ZNF544: variants seen among roughly 807,000 people sequenced by gnomAD.
ZNF544 encodes zinc finger protein AF020591.
Under a neutral mutation model 13.5 loss-of-function variants are expected in ZNF544, and 10 were observed. That is an observed-to-expected ratio of 0.74 (90% CI 0.46 to 1.25). The LOEUF (loss-of-function observed/expected upper bound fraction) is 1.25, where lower values mean the gene tolerates loss of function less well. Among genes scored for constraint, ZNF544 ranks in the 50% most tolerant of loss-of-function variants. The pLI, the probability that ZNF544 is intolerant of heterozygous loss-of-function variation, is 0.00. For synonymous variants in ZNF544, 323 were observed against 300.5 expected, an observed-to-expected ratio of 1.07 and a Z score of -0.77; for missense variants, 896 against 845.6, an observed-to-expected ratio of 1.06 and a Z score of -0.74.
At chr19:58,275,870 G>A (rs1487527083) in intron 5 of ZNF544, among the ~76,000 whole-genome samples, 1 of 151,050 alleles carries the variant, frequency 6.6e-6, no homozygotes, top group Middle Eastern at 3.4e-3. Context: ...GGAAAGCTGA[G>A]CCCAGTGACT....
chr19:58,255,656 T>A (rs1261048009), intron 6 of ZNF544, among the ~76,000 whole-genome samples: 1 of 152,224 alleles, frequency 6.6e-6, no homozygotes, highest in Non-Finnish European at 1.5e-5. Context: ...ATGCATGAGA[T>A]ACATTATCTT....
intron 3 of ZNF544, among the ~76,000 whole-genome samples, chr19:58,230,987 G>C (rs1468801107): frequency 6.6e-6 from 1 of 152,144 alleles, no homozygotes; most frequent in Non-Finnish European, 1.5e-5. Context: ...ACTGAAGTAG[G>C]GTGTGAGAGC....
At chr19:58,248,878 G>A (rs2045844430) in intron 6 of ZNF544, among the ~76,000 whole-genome samples, 1 of 152,214 alleles carries the variant, frequency 6.6e-6, no homozygotes, top group South Asian at 2.1e-4. Flanking sequence ...TAAATCCCGA[G>A]AGGTTTCCCA....
chr19:58,242,250 G>A (rs911010014), intron 3 of ZNF544: 16 of 985,212 alleles, frequency 1.6e-5, no homozygotes, highest in Non-Finnish European at 1.8e-5. Context: ...CCCCAGCACC[G>A]CAACATCTGC....
chr19:58,242,476 G>A (rs2044104769), intron 3 of ZNF544, among the ~76,000 whole-genome samples: 1 of 151,882 alleles, frequency 6.6e-6, no homozygotes, highest in Non-Finnish European at 1.5e-5. Context: ...GTCTGCAGGG[G>A]CTGCCTTTAT....
chr19:58,245,155 G>A (rs1444265454), intron 4 of ZNF544, among the ~76,000 whole-genome samples: 1 of 151,938 alleles, frequency 6.6e-6, no homozygotes, highest in African/African-American at 2.4e-5. Context: ...GGCCAGGCTG[G>A]TTTCGAACTC....
chr19:58,274,532 T>A (rs1364699195), intron 5 of ZNF544, among the ~76,000 whole-genome samples: 4 of 152,186 alleles, frequency 2.6e-5, no homozygotes, highest in Admixed American at 2.0e-4. Flanking sequence ...GAACCAACTA[T>A]GCCAACACTT....
chr19:58,236,840 C>G (rs894031422), intron 3 of ZNF544, among the ~76,000 whole-genome samples: 15 of 151,194 alleles, frequency 9.9e-5, no homozygotes, highest in Non-Finnish European at 1.9e-4. Context: ...TCCCCGGGTT[C>G]AAACAATTCT....
chr19:58,248,273 CTTTTTTTTTT>C (rs34774786), intron 6 of ZNF544, among the ~76,000 whole-genome samples: 2 of 108,516 alleles, frequency 1.8e-5, no homozygotes, highest in Non-Finnish European at 3.7e-5. Flanking sequence ...TTTTTTTTTT[CTTTTTTTTTT>C]TTTTTTTTTG....
At chr19:58,253,674 G>A (rs969797394) in intron 6 of ZNF544, among the ~76,000 whole-genome samples, 3 of 151,612 alleles carry the variant, frequency 2.0e-5, no homozygotes, top group South Asian at 2.1e-4. Context: ...TCCTGACCTC[G>A]GGTGATCTGC....
chr19:58,234,335 T>C (rs1344369736), intron 3 of ZNF544, among the ~76,000 whole-genome samples: 2 of 152,216 alleles, frequency 1.3e-5, no homozygotes, highest in Non-Finnish European at 2.9e-5. Context: ...TAACCTCATC[T>C]TGTGGGCCTA....
chr19:58,273,153 C>T (rs536487458), intron 5 of ZNF544, among the ~76,000 whole-genome samples: 4 of 151,204 alleles, frequency 2.6e-5, no homozygotes, highest in African/African-American at 7.3e-5. Flanking sequence ...TGTACTCCAG[C>T]CTGGGCAACA....
chr19:58,267,755 A>C (rs1045521994), downstream of ZNF544: 1 of 149,218 alleles, frequency 6.7e-6, no homozygotes, highest in African/African-American at 2.5e-5. Context: ...GGCCGAGGCA[A>C]GCGTATCACG....
At chr19:58,241,187 T>TAA (rs1425417671) in intron 3 of ZNF544, among the ~76,000 whole-genome samples, 4 of 50,672 alleles carry the variant, frequency 7.9e-5, no homozygotes, top group Middle Eastern at 0.021. Flanking sequence ...ATATTTTTTT[T>TAA]TTTTTGTAGA....
chr19:58,264,403 G>A (rs1469779521), downstream of ZNF544, among the ~76,000 whole-genome samples: 6 of 134,338 alleles, frequency 4.5e-5, no homozygotes, highest in African/African-American at 9.1e-5. Flanking sequence ...AAAAAAAAAA[G>A]GACTCTGGTG....
Position 58,239,046 on chromosome 19 carries a change from G to A in ZNF544, c.-59-4919G>A, listed in dbSNP as rs569306207. Reference sequence around the variant, plus strand: ...CTGACTGGCCTCTGAGTTCTCCTTCGCGTTCAGGAAGAGAAGGTGGTGAAA... The same window carrying A: ...CTGACTGGCCTCTGAGTTCTCCTTCACGTTCAGGAAGAGAAGGTGGTGAAA... On this transcript the variant is annotated intron_variant, in intron 3 of 6. Coordinates refer to ENST00000687789, the MANE Select transcript of ZNF544 (RefSeq NM_014480.4). 3.3e-5 allele frequency among the ~76,000 whole-genome samples: 5 copies of A among 152,196 alleles called. No homozygotes were observed. In the East Asian group the frequency reaches 7.7e-4, roughly 24 times the overall value.
At chr19:58,252,706 C>T (rs893293498) in intron 6 of ZNF544, among the ~76,000 whole-genome samples, 1 of 152,102 alleles carries the variant, frequency 6.6e-6, no homozygotes, top group African/African-American at 2.4e-5. Context: ...TTTAGTGAAA[C>T]CCTAAAAAGC....
intron 3 of ZNF544, among the ~76,000 whole-genome samples, chr19:58,237,716 T>C (rs2146671391): frequency 6.6e-6 from 1 of 152,352 alleles, no homozygotes; most frequent in African/African-American, 2.4e-5. Flanking sequence ...TCTTAAATGC[T>C]GTTGGAGTGC....
At chr19:58,234,664 C>T (rs923589456) in intron 3 of ZNF544, among the ~76,000 whole-genome samples, 2 of 152,226 alleles carry the variant, frequency 1.3e-5, no homozygotes, top group South Asian at 2.1e-4. Flanking sequence ...GAATATTTAA[C>T]CTAAACATAC....
Sources: allele counts gnomAD v4.1 joint callset (sites outside exome capture counted in the v4.1 genomes callset), GRCh38; gene constraint gnomAD v4.1.1; transcripts MANE v1.5; gene names NCBI Gene and HGNC (gene_info 2026-07-23, HGNC 2026-07-21).